Variants in ELP1 observed in about 807,000 individuals in gnomAD.
ELP1 encodes elongator acetyltransferase complex subunit 1.
ELP1 carries 131 observed loss-of-function variants against 183.2 expected under a neutral mutation model. The ratio of observed to expected loss-of-function variants is 0.72; its 90% CI spans 0.62 to 0.83. ELP1 has a LOEUF of 0.83. ELP1 is among the 40% of genes least tolerant of loss of function. ELP1 has a pLI of 0.00. For missense variants in ELP1, 1,550 were observed against 1,594.9 expected (o/e 0.97, Z 0.48); for synonymous variants, 555 against 569.0 (o/e 0.98, Z 0.35).
chr9:108,916,403 A>C (rs983399087), intron 9 of ELP1, 106 bp from the exon 10 acceptor site: 5 of 886,824 alleles, frequency 5.6e-6, no homozygotes, highest in Non-Finnish European at 9.5e-6. Context: ...CCACTACCTG[A>C]GCTCATCCCT....
In ELP1 at chr9:108,897,244, G is replaced by A; in HGVS notation, c.2405C>T (p.Thr802Ile). 6.2e-7 allele frequency: 1 copy of A among 1,614,120 alleles called. No homozygotes were observed. Among genetic ancestry groups the A allele is most frequent in the Non-Finnish European group, 8.5e-7 (1 of 1,179,998 alleles). The stretch of plus-strand genomic sequence containing the variant: ...ATCCCTGGACAGGTAGACACTGCTG[G>A]TAACTGGTGCAGGGTACATGGTCTT... ...VTKTMYPAPV[T>I]SSVYLSRDPD... The change falls in exon 23 of 37, where the codon ACC becomes ATC. Residue 802 changes from threonine to isoleucine, a missense_variant. Coordinates refer to ENST00000374647, the MANE Select transcript of ELP1 (RefSeq NM_003640.5).
Position 108,916,272 on chromosome 9 carries a change from T to C in ELP1, c.890A>G (p.Asp297Gly), listed in dbSNP as rs1362844556. ...VKVNDLLWNADSSVLAVWLED... is the reference protein window; with the variant it reads ...VKVNDLLWNAGSSVLAVWLED... ...CAGCCAGACTGCAAGCACAGAGGAA[T>C]CTGCATTCCAGAGCAAGTCATTTAC... Residue 297 changes from aspartate to glycine, a missense_variant, in exon 10 of 37, where the codon GAT becomes GGT. By Grantham distance (94) the Asp-to-Gly change is moderately conservative (BLOSUM62 -1). Transcript: ENST00000374647. 1 of 1,614,130 alleles carries C rather than the reference T, an allele frequency of 6.2e-7. No individual in the cohort carries two copies. Among genetic ancestry groups the C allele is most frequent in the Non-Finnish European group, 8.5e-7 (1 of 1,179,936 alleles).
rs1217750168 is a variant in ELP1 at position 108,891,233 on chromosome 9, G to A, written c.3130C>T (p.Gln1044Ter). 6.2e-7 allele frequency: 1 copy of A among 1,614,198 alleles called. No individual in the cohort carries two copies. The highest frequency in any genetic ancestry group is 2.2e-5 in the East Asian group (1 of 44,886). ...AGAGTTCTGCCGAGGCCCACCAGCT[G>A]GTCTTTGGTAAAGTTAAGCTGGGCT... is the stretch of plus-strand genomic sequence containing the variant. Reference protein sequence around the residue: ...VAAQLNFTKDQLVGLGRTLAG... With the variant: ...VAAQLNFTKD The change falls in exon 28 of 37, where the codon CAG becomes TAG. Residue 1044 changes from glutamine (Q) to a stop codon, truncating the protein, a stop_gained. Coordinates refer to ENST00000374647, the MANE Select transcript of ELP1 (RefSeq NM_003640.5). LOFTEE classifies it high-confidence loss of function.
rs113508452 is a variant in ELP1, at chr9:108,917,296, C to T, written c.864+251G>A. 7.7e-3 allele frequency among the ~76,000 whole-genome samples: 1,179 copies of T among 152,136 alleles called. 27 individuals carry two copies. Among genetic ancestry groups the T allele is most frequent in the African/African-American group, 0.027 (1,123 of 41,512 alleles). On this transcript the variant is annotated intron_variant, in intron 9 of 36. Transcript: ENST00000374647. ...CAGCCTGACCAACACGGAGAAACCC[C>T]GTCTCTACTAAAAATACAAAATTAG...
Position 108,933,917 on chromosome 9 carries a change from G to A in ELP1, c.-109C>T. 1 of 156,458 alleles carries A rather than the reference G, an allele frequency of 6.4e-6. No homozygotes were observed. Among genetic ancestry groups the A allele is most frequent in the East Asian group, 1.9e-4 (1 of 5,202 alleles). The allele number at this position is 156,458 out of a possible 1,614,324, so 9.7% of individuals were successfully genotyped here. ...GGCCTCGCCTCCCCAGCCACGCGCA[G>A]CCGGCTACCCAGAGTCAGCTCCCAC... On this transcript the variant is annotated 5_prime_UTR_variant, in exon 1 of 37. Transcript: ENST00000374647.
At chr9:108,889,518 T>C in intron 28 of ELP1, 125 bp from the exon 29 acceptor site, 1 of 840,680 alleles carries the variant, frequency 1.2e-6, no homozygotes. Context: ...AGGGAATAGG[T>C]ATATACACCA....
At chr9:108,933,269 A>G (rs1830058516) in intron 1 of ELP1, among the ~76,000 whole-genome samples, 1 of 152,074 alleles carries the variant, frequency 6.6e-6, no homozygotes, top group African/African-American at 2.4e-5. Context: ...CTTTTTGCTT[A>G]CTCTTCATAC....
intron 11 of ELP1, among the ~76,000 whole-genome samples, chr9:108,911,974 T>C (rs940965364): frequency 1.3e-5 from 2 of 152,152 alleles, no homozygotes; most frequent in Non-Finnish European, 2.9e-5. Context: ...AAGACTGTAC[T>C]GTTGTCATCC....
At chr9:108,874,677 G>A (rs1827630463) in intron 36 of ELP1, among the ~76,000 whole-genome samples, 2 of 152,278 alleles carry the variant, frequency 1.3e-5, no homozygotes, top group African/African-American at 2.4e-5. Flanking sequence ...CACATACAAT[G>A]GTCATGCTGG....
intron 9 of ELP1, 126 bp downstream of exon 9, chr9:108,917,421 T>G: frequency 1.1e-6 from 1 of 895,576 alleles, no homozygotes; most frequent in East Asian, 2.5e-5. Flanking sequence ...GAACCGAGAT[T>G]GCACTATCGC....
intron 6 of ELP1, 50 bp from the exon 7 acceptor site, chr9:108,919,399 A>G (rs1587917085): frequency 8.0e-7 from 1 of 1,243,994 alleles, no homozygotes; most frequent in Non-Finnish European, 1.2e-6. Context: ...TAAGTATCCC[A>G]GAATCAAACA....
chr9:108,917,721 A>T (rs771415900), intron 8 of ELP1, 51 bp from the exon 9 acceptor site: 2 of 1,598,286 alleles, frequency 1.3e-6, no homozygotes, highest in Non-Finnish European at 1.7e-6. Flanking sequence ...CTAACTAAAG[A>T]ATAGATAAAA....
chr9:108,888,148 A>G (rs1444487769), intron 29 of ELP1, among the ~76,000 whole-genome samples: 1 of 152,264 alleles, frequency 6.6e-6, no homozygotes, highest in Non-Finnish European at 1.5e-5. Flanking sequence ...GAAAGGAGCC[A>G]GATTAAAAAG....
rs201781695 is a variant in ELP1 at position 108,879,467 on chromosome 9, T to C, written c.3551A>G (p.His1184Arg). 1.2e-6 allele frequency: 2 copies of C among 1,613,038 alleles called. No homozygotes were observed. Among genetic ancestry groups the C allele is most frequent in the Non-Finnish European group, 1.7e-6 (2 of 1,179,084 alleles). ...GTACGCTGATATCCTGGAGTTACTA[T>C]GGGAGTATTTGCCACTCATCTCACT... ...SGSEMSGKYS[H>R]SNSRISARSS... Residue 1184 changes from histidine (H) to arginine (R), a missense_variant, in exon 33 of 37, where the codon CAT (histidine) becomes CGT (arginine). Physicochemically the swap from His to Arg is conservative, Grantham distance 29. Coordinates refer to ENST00000374647, the MANE Select transcript of ELP1 (RefSeq NM_003640.5).
intron 19 of ELP1, 122 bp from the exon 20 acceptor site, chr9:108,900,017 T>G: frequency 1.1e-6 from 1 of 897,840 alleles, no homozygotes; most frequent in South Asian, 1.4e-5. Flanking sequence ...CAGCACACTT[T>G]TAGCAGAATC....
intron 31 of ELP1, among the ~76,000 whole-genome samples, chr9:108,881,382 A>C (rs150207783): frequency 2.0e-5 from 3 of 152,236 alleles, no homozygotes; most frequent in Admixed American, 6.5e-5. Context: ...ATATAACCAC[A>C]ACATGATTAT....
chr9:108,904,245 ATTTTTTT>A (rs57450962), intron 14 of ELP1, among the ~76,000 whole-genome samples: 1 of 132,444 alleles, frequency 7.6e-6, no homozygotes, highest in Non-Finnish European at 1.6e-5. Context: ...AAATTTCACT[ATTTTTTT>A]TTTTTTTTTT....
chr9:108,878,436 T>C (rs1206974407), intron 34 of ELP1, among the ~76,000 whole-genome samples, 187 bp downstream of exon 34: 1 of 152,198 alleles, frequency 6.6e-6, no homozygotes, highest in Non-Finnish European at 1.5e-5. Context: ...GGAGGAAGGC[T>C]TCTCAGTTAC....
At chr9:108,891,727 C>A (rs913721433) in intron 27 of ELP1, among the ~76,000 whole-genome samples, 2 of 152,102 alleles carry the variant, frequency 1.3e-5, no homozygotes, top group African/African-American at 2.4e-5. Context: ...CTTATAGTAA[C>A]AGAGGATGGA....
Sources: allele counts gnomAD v4.1 joint callset (sites outside exome capture counted in the v4.1 genomes callset), GRCh38; gene constraint gnomAD v4.1.1; transcripts MANE v1.5; gene names NCBI Gene and HGNC (gene_info 2026-07-23, HGNC 2026-07-21).